YTHDF3: variants seen among roughly 807,000 people sequenced by gnomAD.
YTHDF3 encodes the protein YTH domain-containing family protein 3.
YTHDF3 carries 9 observed loss-of-function variants against 52.5 expected under a neutral mutation model. The ratio of observed to expected loss-of-function variants is 0.17; its 90% CI spans 0.10 to 0.30. YTHDF3 has a LOEUF of 0.30. Among genes scored for constraint, YTHDF3 ranks in the 10% least tolerant of loss-of-function variants. The pLI is 1.00. For synonymous variants in YTHDF3, 274 were observed against 243.3 expected (o/e 1.13, Z -1.18); for missense variants, 534 against 715.0 (o/e 0.75, Z 2.89).
intron 4 of YTHDF3, among the ~76,000 whole-genome samples, chr8:63,207,424 G>A (rs528132043): frequency 1.3e-5 from 2 of 152,162 alleles, no homozygotes; most frequent in South Asian, 2.1e-4. Flanking sequence ...TAGTTTAAAC[G>A]TGTAAATGAT....
chr8:63,190,936 G>A (rs1160021044), intron 4 of YTHDF3, among the ~76,000 whole-genome samples: 1 of 152,062 alleles, frequency 6.6e-6, no homozygotes, highest in Non-Finnish European at 1.5e-5. Flanking sequence ...TTTGAACCTT[G>A]TTTAACTTAT....
At position 63,175,374 on chromosome 8, in the gene YTHDF3, T is replaced by C; in HGVS notation, c.93T>C (p.Asn31=). The change falls in exon 3 of 5, where the codon AAT becomes AAC. Residue 31 remains asparagine, a synonymous_variant. Coordinates refer to ENST00000539294, the MANE Select transcript of YTHDF3 (RefSeq NM_152758.6). ...CGATTCATCAAAAAGATGCTGTAAA[T>C]GATGATGATTTTGAGCCATACTTAA... The part of the protein sequence containing the change: ...NGSIHQKDAV[N]DDDFEPYLSS... 6.2e-7 allele frequency: 1 copy of C among 1,611,942 alleles called. No homozygotes were observed. The highest frequency in any genetic ancestry group is 8.5e-7 in the Non-Finnish European group (1 of 1,178,806).
chr8:63,200,415 CTTTTTT>C (rs1273775255), intron 4 of YTHDF3, among the ~76,000 whole-genome samples: 1 of 150,440 alleles, frequency 6.6e-6, no homozygotes, highest in Non-Finnish European at 1.5e-5. Flanking sequence ...ATTTCTTTTT[CTTTTTT>C]TTCTTTTTTT....
chr8:63,186,815 T>A lies in YTHDF3; in HGVS notation c.804T>A (p.Pro268=). ...VGIGGSAVPP[P]PIKHNMNIGT... is the part of the protein sequence containing the mutation. ...TTGGGGGTTCTGCTGTACCACCACC[T>A]CCTATAAAACACAACATGAATATTG... Residue 268 remains proline (P), a synonymous_variant, in exon 4 of 5, where the codon CCT becomes CCA. Transcript: ENST00000539294. 1.2e-6 allele frequency: 2 copies of A among 1,613,784 alleles called. No homozygotes were observed. The highest frequency in any genetic ancestry group is 1.1e-5 in the South Asian group (1 of 91,072).
chr8:63,205,615 A>C (rs1809977205), intron 4 of YTHDF3, among the ~76,000 whole-genome samples: 1 of 151,548 alleles, frequency 6.6e-6, no homozygotes. Context: ...TGTATTTTTA[A>C]TAAAGACAGG....
At chr8:63,181,480 C>T (rs368183792) in intron 3 of YTHDF3, among the ~76,000 whole-genome samples, 2 of 152,148 alleles carry the variant, frequency 1.3e-5, no homozygotes, top group South Asian at 4.1e-4. Context: ...ATAGAACTTA[C>T]CATTATTTTA....
Position 63,180,938 on chromosome 8 carries a change from C to T in YTHDF3, c.136-5209C>T, listed in dbSNP as rs149990723. Among the ~76,000 whole-genome samples, 507 of 152,316 alleles carry T rather than the reference C, an allele frequency of 3.3e-3. 2 individuals carry two copies. Among genetic ancestry groups the T allele is most frequent in the African/African-American group, 0.011 (445 of 41,580 alleles). ...AGATGGCAGCAGTACCGTCCAGCTT[C>T]GGCTCGGCATCAGAGGGAGACCGTG... On this transcript the variant is annotated intron_variant, in intron 3 of 4. Transcript: ENST00000539294.
At chr8:63,198,138 A>G (rs989282922) in intron 4 of YTHDF3, among the ~76,000 whole-genome samples, 29 of 152,346 alleles carry the variant, frequency 1.9e-4, no homozygotes, top group South Asian at 2.1e-4. Context: ...AGGCATAATT[A>G]TAATAAAATC....
In YTHDF3 at chr8:63,211,327, T is replaced by G. The variant is rs991920893; in HGVS notation, c.*1621T>G. The stretch of plus-strand genomic sequence containing the variant: ...GTTTACTGAAGGGAACATCAAAATA[T>G]TAATGGTATATTATAAAATAAAGAC... On this transcript the variant is annotated 3_prime_UTR_variant, in exon 5 of 5. Transcript: ENST00000539294. The G allele has an allele frequency of 6.6e-6, 1 of 152,456 alleles. No individual in the cohort carries two copies. Among genetic ancestry groups the G allele is most frequent in the Non-Finnish European group, 1.5e-5 (1 of 67,968 alleles). The allele number at this position is 152,456 out of a possible 1,614,324, so 9.4% of individuals were successfully genotyped here.
upstream of YTHDF3, chr8:63,168,601 GGGAGGCTC>G: frequency 1.7e-6 from 1 of 585,500 alleles, no homozygotes; most frequent in Non-Finnish European, 3.0e-6. Flanking sequence ...CGGAAGGTCA[GGGAGGCTC>G]GGAGCGGAAG....
Position 63,183,622 on chromosome 8 carries a change from C to A in YTHDF3, c.136-2525C>A, listed in dbSNP as rs140931111. 1.8e-4 allele frequency among the ~76,000 whole-genome samples: 28 copies of A among 152,256 alleles called. No individual in the cohort carries two copies. In the East Asian group the frequency reaches 5.2e-3, roughly 28 times the overall value. On this transcript the variant is annotated intron_variant, in intron 3 of 4. Transcript: ENST00000539294. The stretch of plus-strand genomic sequence containing the variant: ...GCAGTTGTAAAAATGCTGTTGATTC[C>A]TTTCATGTGAATATTGTGAACATTC...
At chr8:63,175,568 A>G (rs1284633684) in intron 3 of YTHDF3, 152 bp downstream of exon 3, 2 of 583,994 alleles carry the variant, frequency 3.4e-6, no homozygotes, top group African/African-American at 3.7e-5. Context: ...TAGCAGTTGC[A>G]GATTTATGGC....
rs528308608 is a variant in YTHDF3 at position 63,198,979 on chromosome 8, CAT to C, written c.1735-10701_1735-10700del. The stretch of plus-strand genomic sequence containing the variant: ...TAACATATTTAATTAAATAATGTAA[CAT>C]ATTTGATTAAATAATTCCTTGATAA... On this transcript the variant is annotated intron_variant, in intron 4 of 4. Transcript: ENST00000539294. Among the ~76,000 whole-genome samples the C allele has an allele frequency of 4.3e-4, 61 of 143,294 alleles. 1 individual carries two copies. Among genetic ancestry groups the C allele is most frequent in the African/African-American group, 1.4e-3 (54 of 37,378 alleles). 94.0% of individuals were successfully genotyped at this position (143,294 alleles called of 152,430 possible).
In YTHDF3 at chr8:63,211,596, G is replaced by T. The variant is rs1810373581; in HGVS notation, c.*1890G>T. 1 of 152,430 alleles carries T rather than the reference G, an allele frequency of 6.6e-6. No homozygotes were observed. The highest frequency in any genetic ancestry group is 2.4e-5 in the African/African-American group (1 of 41,402). The allele number at this position is 152,430 out of a possible 1,614,324, so 9.4% of individuals were successfully genotyped here. A position where few individuals can be genotyped will look rare whatever the true frequency, so the allele number is the denominator to read the frequency against. The stretch of plus-strand genomic sequence containing the variant: ...GGAAGGATCTGAGTCCTCCCCCTGA[G>T]GTTCTCTTTTTCTTGGTGCTTTATT... On this transcript the variant is annotated 3_prime_UTR_variant, in exon 5 of 5. Transcript: ENST00000539294.
rs182447322 is a variant in YTHDF3, at chr8:63,171,959, A to G, written c.49+2548A>G. On this transcript the variant is annotated intron_variant, in intron 2 of 4. Transcript: ENST00000539294. ...TTTTCTATATATCCTTAATTACTTA[A>G]TTCATTACAGAAGCCAAAAGGAATT... Among the ~76,000 whole-genome samples the G allele has an allele frequency of 6.4e-4, 98 of 152,300 alleles. 1 individual carries two copies. In the East Asian group the frequency reaches 0.017, roughly 27 times the overall value.
chr8:63,180,923 A>T (rs1045046480), intron 3 of YTHDF3, among the ~76,000 whole-genome samples: 1 of 152,228 alleles, frequency 6.6e-6, no homozygotes, highest in East Asian at 1.9e-4. Context: ...AGATGGCAGC[A>T]GTACCGTCCA....
rs531862158 is a variant in YTHDF3 at position 63,212,684 on chromosome 8, T to A, written c.*2978T>A. 20 of 152,756 alleles carry A rather than the reference T, an allele frequency of 1.3e-4. No individual in the cohort carries two copies. The South Asian group carries it at 4.1e-3, about 32-fold the overall frequency. 9.5% of individuals were successfully genotyped at this position (152,756 alleles called of 1,614,324 possible). A position where few individuals can be genotyped will look rare whatever the true frequency, so the allele number is the denominator to read the frequency against. On this transcript the variant is annotated 3_prime_UTR_variant, in exon 5 of 5. Coordinates refer to ENST00000539294, the MANE Select transcript of YTHDF3 (RefSeq NM_152758.6). ...TGTCGTGTTTGGGTTTGTTCATTCCTGTGAATGATGGTACAGTTAGGTGAG... is the reference window on the plus strand; with the variant it reads ...TGTCGTGTTTGGGTTTGTTCATTCCAGTGAATGATGGTACAGTTAGGTGAG...
intron 4 of YTHDF3, among the ~76,000 whole-genome samples, chr8:63,198,061 T>C (rs993459215): frequency 1.3e-5 from 2 of 152,186 alleles, no homozygotes; most frequent in Non-Finnish European, 2.9e-5. Context: ...AGATAAACTT[T>C]CAAATCATGG....
chr8:63,171,482 T>C (rs1452998122), intron 2 of YTHDF3, among the ~76,000 whole-genome samples: 3 of 152,202 alleles, frequency 2.0e-5, no homozygotes, highest in Non-Finnish European at 4.4e-5. Flanking sequence ...CCTGAAAGTA[T>C]TGCTAATTAT....
Sources: gnomAD v4.1 joint callset for allele counts (sites outside exome capture counted in the v4.1 genomes callset) on GRCh38, gnomAD v4.1.1 for gene constraint, MANE v1.5 for transcripts, NCBI Gene and HGNC (gene_info 2026-07-23, HGNC 2026-07-21) for gene names.